The following ADAD1 variants were observed in gnomAD, a reference collection of about 807,000 sequenced individuals.
ADAD1 encodes the protein adenosine deaminase domain-containing protein 1.
Under a neutral mutation model 66.8 loss-of-function variants are expected in ADAD1, and 46 were observed. The ratio of observed to expected loss-of-function variants is 0.69; its 90% CI spans 0.54 to 0.88. The LOEUF (loss-of-function observed/expected upper bound fraction) is 0.88. Among genes scored for constraint, ADAD1 ranks in the 40% least tolerant of loss-of-function variants. The pLI, the probability that ADAD1 is intolerant of heterozygous loss-of-function variation, is 0.00. For synonymous variants in ADAD1, 248 were observed against 229.4 expected (o/e 1.08, Z -0.73); for missense variants, 617 against 681.8 (o/e 0.91, Z 1.06).
At chr4:122,404,602 G>A (rs1386281374) in intron 7 of ADAD1, among the ~76,000 whole-genome samples, 1 of 152,014 alleles carries the variant, frequency 6.6e-6, no homozygotes, top group Admixed American at 6.6e-5. Flanking sequence ...TGGTTTTCCT[G>A]GTATGTTCCT....
chr4:122,379,730 AT>A (rs899039191), intron 2 of ADAD1: 7 of 172,934 alleles, frequency 4.0e-5, no homozygotes, highest in South Asian at 1.6e-4. Flanking sequence ...CTACGAGCTG[AT>A]TTTTTTTTCT....
intron 8 of ADAD1, 111 bp from the exon 9 acceptor site, chr4:122,411,111 C>G: frequency 2.3e-6 from 2 of 872,250 alleles, no homozygotes; most frequent in Non-Finnish European, 3.4e-6. Flanking sequence ...TTACCTGTGT[C>G]AAAACTTTTA....
chr4:122,415,427 A>G lies in ADAD1; in HGVS notation c.1298A>G (p.Gln433Arg). The G allele has an allele frequency of 6.2e-7, 1 of 1,613,954 alleles. No homozygotes were observed. Among genetic ancestry groups the G allele is most frequent in the Non-Finnish European group, 8.5e-7 (1 of 1,179,858 alleles). Residue 433 changes from glutamine (Q) to arginine (R), a missense_variant, in exon 11 of 13, where the codon CAA becomes CGA. By Grantham distance (43) the Gln-to-Arg change is conservative. Transcript: ENST00000296513. ...DTRGLEIAIK[Q>R]RVDDALTSKL... ...AGAGGCTTAGAAATCGCTATAAAGC[A>G]ACGTGTTGATGATGCACTCACTTCA... is the stretch of plus-strand genomic sequence containing the variant.
At chr4:122,423,956 A>T (rs1451491364) in intron 12 of ADAD1, among the ~76,000 whole-genome samples, 1 of 152,176 alleles carries the variant, frequency 6.6e-6, no homozygotes, top group Non-Finnish European at 1.5e-5. Context: ...GAATATACTG[A>T]AAGCTGAATT....
intron 4 of ADAD1, among the ~76,000 whole-genome samples, chr4:122,381,743 A>G (rs905204403): frequency 1.3e-5 from 2 of 152,224 alleles, no homozygotes; most frequent in African/African-American, 4.8e-5. Flanking sequence ...TGATCTCTTC[A>G]CATTATAGCC....
intron 8 of ADAD1, among the ~76,000 whole-genome samples, chr4:122,408,683 G>A (rs1047866460): frequency 2.0e-5 from 3 of 151,744 alleles, no homozygotes; most frequent in Non-Finnish European, 2.9e-5. Context: ...ACAAGAGTTC[G>A]AGACCAGCCT....
chr4:122,382,607 A>AG (rs1345891789), intron 4 of ADAD1, among the ~76,000 whole-genome samples: 1 of 152,102 alleles, frequency 6.6e-6, no homozygotes, highest in Non-Finnish European at 1.5e-5. Context: ...CCTGTAGAGA[A>AG]GGAGTCTCAC....
rs139730059 is a variant in ADAD1, at chr4:122,412,483, G to A, written c.1020-97G>A. ...GTTACTGGAATTAAATGTACACTGG[G>A]AAGTTAAACATGTTACAGAACAGCT... On this transcript the variant is annotated intron_variant, in intron 9 of 12. Transcript: ENST00000296513. 252 of 960,650 alleles carry A rather than the reference G, an allele frequency of 2.6e-4. No homozygotes were observed. The East Asian group carries it at 5.5e-3, about 21-fold the overall frequency. The allele number at this position is 960,650 out of a possible 1,614,324, so 59.5% of individuals were successfully genotyped here. A position where few individuals can be genotyped will look rare whatever the true frequency, so the allele number is the denominator to read the frequency against.
intron 11 of ADAD1, 93 bp from the exon 12 acceptor site, chr4:122,421,168 T>C (rs1796984617): frequency 2.0e-6 from 2 of 994,410 alleles, no homozygotes; most frequent in African/African-American, 1.7e-5. Context: ...AATCAAGAAA[T>C]ATTTTGTAGA....
intron 5 of ADAD1, among the ~76,000 whole-genome samples, chr4:122,388,877 C>T (rs1264734831): frequency 6.6e-6 from 1 of 151,978 alleles, no homozygotes; most frequent in Non-Finnish European, 1.5e-5. Flanking sequence ...TTCAGTTCTG[C>T]TCTGATCTTA....
chr4:122,404,948 C>T (rs1796140617), intron 7 of ADAD1, among the ~76,000 whole-genome samples: 1 of 152,224 alleles, frequency 6.6e-6, no homozygotes, highest in African/African-American at 2.4e-5. Context: ...GTTAACTCTT[C>T]TTTTTTCCGG....
At chr4:122,428,470 A>C (rs984303817) in intron 12 of ADAD1, among the ~76,000 whole-genome samples, 4 of 152,198 alleles carry the variant, frequency 2.6e-5, no homozygotes, top group Non-Finnish European at 5.9e-5. Flanking sequence ...CATTATTCAG[A>C]AAAGCCAAAA....
At chr4:122,397,694 A>T (rs577522780) in intron 7 of ADAD1, among the ~76,000 whole-genome samples, 10 of 152,278 alleles carry the variant, frequency 6.6e-5, no homozygotes, top group African/African-American at 1.4e-4. Flanking sequence ...ATACATTTTT[A>T]AAAAAATTTG....
chr4:122,384,266 G>A (rs2150530379), intron 5 of ADAD1, among the ~76,000 whole-genome samples: 1 of 152,276 alleles, frequency 6.6e-6, no homozygotes, highest in Admixed American at 6.5e-5. Context: ...TTCTTATTAT[G>A]AATGTAATAC....
At chr4:122,381,267 T>C in intron 4 of ADAD1, 87 bp downstream of exon 4, 1 of 1,284,488 alleles carries the variant, frequency 7.8e-7, no homozygotes, top group Non-Finnish European at 1.1e-6. Context: ...CTTCTAATAT[T>C]GGAGTTAGGT....
rs556317077 is a variant in ADAD1, at chr4:122,380,298, A to G, written c.172+57A>G. On this transcript the variant is annotated intron_variant, in intron 3 of 12. Coordinates refer to ENST00000296513, the MANE Select transcript of ADAD1 (RefSeq NM_139243.4). ...AGTTCTTTAAGATTCTAGGATGGCC[A>G]GTAAGTTCTGTCGAGTCTCTGGTTT... 2.9e-5 allele frequency: 45 copies of G among 1,546,262 alleles called. No homozygotes were observed. In the East Asian group the frequency reaches 5.4e-4, roughly 19 times the overall value.
At chr4:122,401,027 T>G (rs979714385) in intron 7 of ADAD1, among the ~76,000 whole-genome samples, 94 of 152,230 alleles carry the variant, frequency 6.2e-4, no homozygotes, top group Non-Finnish European at 1.3e-4. Flanking sequence ...TTATTATATC[T>G]TTTCTTCTGC....
At chr4:122,408,882 C>CAAAA (rs11347269) in intron 8 of ADAD1, among the ~76,000 whole-genome samples, 1 of 143,070 alleles carries the variant, frequency 7.0e-6, no homozygotes. Flanking sequence ...CATCTTGTCT[C>CAAAA]AAAAAAAAAA....
At chr4:122,429,435 AAAG>A (rs974682853) in intron 12 of ADAD1, among the ~76,000 whole-genome samples, 188 bp from the exon 13 acceptor site, 2 of 152,152 alleles carry the variant, frequency 1.3e-5, no homozygotes, top group Non-Finnish European at 1.5e-5. Context: ...AAAAAAAAAA[AAAG>A]GAGAATAATT....
Sources: allele counts gnomAD v4.1 joint callset (sites outside exome capture counted in the v4.1 genomes callset), GRCh38; gene constraint gnomAD v4.1.1; transcripts MANE v1.5; gene names NCBI Gene and HGNC (gene_info 2026-07-23, HGNC 2026-07-21).